The following NUP210L variants were observed in gnomAD, a reference collection of about 807,000 sequenced individuals.
The protein encoded by NUP210L is nucleoporin 210 like, also known as nuclear pore membrane glycoprotein 210-like.
NUP210L carries 74 observed loss-of-function variants against 208.5 expected under a neutral mutation model. The observed-to-expected ratio is 0.35, with a 90% CI of 0.29 to 0.43. The LOEUF is 0.43. Among genes scored for constraint, NUP210L ranks in the 20% least tolerant of loss-of-function variants. The probability of loss-of-function intolerance (pLI) is 1.00; values close to 1 mark genes in which losing one functional copy is unlikely to be tolerated. For synonymous variants in NUP210L, 780 were observed against 816.9 expected (o/e 0.95, Z 0.77); for missense variants, 1,843 against 2,289.4 (o/e 0.81, Z 3.98).
At chr1:154,038,323 G>A (rs1447642017) in intron 27 of NUP210L, among the ~76,000 whole-genome samples, 3 of 150,612 alleles carry the variant, frequency 2.0e-5, no homozygotes, top group Non-Finnish European at 4.4e-5. Flanking sequence ...GTAGAGACAG[G>A]GTTTTTTCTT....
At chr1:154,036,366 CTTTTT>C (rs34750631) in intron 27 of NUP210L, among the ~76,000 whole-genome samples, 1 of 65,464 alleles carries the variant, frequency 1.5e-5, no homozygotes, top group East Asian at 4.6e-4. Context: ...GTGTGTATAA[CTTTTT>C]TTTTTTTTTT....
At chr1:154,141,287 C>T (rs898502267) in intron 4 of NUP210L, 144 bp downstream of exon 4, 8 of 627,702 alleles carry the variant, frequency 1.3e-5, no homozygotes, top group African/African-American at 1.8e-5. Flanking sequence ...CTATCAAAGA[C>T]ATTTCTCTCA....
At chr1:153,995,039 A>G (rs768698338) in intron 38 of NUP210L, 37 bp downstream of exon 38, 12 of 1,290,122 alleles carry the variant, frequency 9.3e-6, no homozygotes, top group Middle Eastern at 2.0e-4. Context: ...GGCAGTTTTC[A>G]TGTCAAAGTC....
At chr1:154,053,414 GA>G (rs1653635327) in intron 25 of NUP210L, among the ~76,000 whole-genome samples, 2 of 152,166 alleles carry the variant, frequency 1.3e-5, no homozygotes, top group African/African-American at 4.8e-5. Flanking sequence ...AATAAAAAGG[GA>G]GAACATGTTG....
In NUP210L at chr1:154,104,088, C is replaced by T. The variant is rs770758739; in HGVS notation, c.1743G>A (p.Met581Ile). The T allele has an allele frequency of 1.5e-5, 24 of 1,614,056 alleles. 1 individual carries two copies. In the South Asian group the frequency reaches 2.6e-4, roughly 18 times the overall value. The change falls in exon 13 of 40, where the codon ATG (methionine) becomes ATA (isoleucine). Residue 581 changes from methionine (M) to isoleucine (I), a missense_variant. Met to Ile is a conservative substitution (Grantham distance 10). Around this residue, in one of 5 missense-constraint regions of NUP210L, gnomAD observed 408 missense variants for 600.8 expected, o/e 0.68. Transcript: ENST00000368559. ...ATAAATGAGAGCAGTCTGTGAATGC[C>T]ATGGCTTCTTTGGTCTCTTTATTTA...
intron 30 of NUP210L, among the ~76,000 whole-genome samples, chr1:154,023,940 A>C (rs903774245): frequency 1.3e-5 from 2 of 151,782 alleles, no homozygotes; most frequent in African/African-American, 2.4e-5. Context: ...GGCGCCCGCC[A>C]CAATGCCCGG....
intron 10 of NUP210L, among the ~76,000 whole-genome samples, chr1:154,123,562 A>C (rs1657720767): frequency 6.6e-6 from 1 of 152,150 alleles, no homozygotes; most frequent in South Asian, 2.1e-4. Context: ...ATCTATAATA[A>C]TTTCAAAATT....
intron 7 of NUP210L, among the ~76,000 whole-genome samples, chr1:154,131,093 C>T (rs1208962280): frequency 1.3e-5 from 2 of 151,376 alleles, no homozygotes; most frequent in Non-Finnish European, 2.9e-5. Context: ...GGTGAAACCC[C>T]GTCTCTGCTA....
At chr1:154,028,530 T>C (rs1652030374) in intron 28 of NUP210L, among the ~76,000 whole-genome samples, 1 of 152,040 alleles carries the variant, frequency 6.6e-6, no homozygotes, top group Non-Finnish European at 1.5e-5. Context: ...GAGGTTGCAG[T>C]GAGGCGAGAT....
At chr1:154,049,418 G>A (rs576601428) in intron 25 of NUP210L, among the ~76,000 whole-genome samples, 96 of 152,204 alleles carry the variant, frequency 6.3e-4, no homozygotes, top group Middle Eastern at 3.4e-3. Flanking sequence ...TGAAGGAACC[G>A]CTTCAAACAG....
chr1:154,041,332 G>T (rs2147962677), intron 27 of NUP210L, among the ~76,000 whole-genome samples: 1 of 151,974 alleles, frequency 6.6e-6, no homozygotes, highest in East Asian at 1.9e-4. Context: ...ATGTATTTAT[G>T]TATTTATTTA....
At chr1:154,089,112 G>C (rs898703022) in intron 16 of NUP210L, among the ~76,000 whole-genome samples, 2 of 152,272 alleles carry the variant, frequency 1.3e-5, no homozygotes, top group South Asian at 4.1e-4. Flanking sequence ...TAGTAAACAA[G>C]TGTAGCCAAT....
chr1:154,118,181 C>T (rs937072089), intron 11 of NUP210L, among the ~76,000 whole-genome samples: 1 of 151,914 alleles, frequency 6.6e-6, no homozygotes. Context: ...TGGTGGCACA[C>T]GCCTGTAATC....
chr1:154,000,575 C>T (rs1250736878), intron 37 of NUP210L, among the ~76,000 whole-genome samples: 2 of 152,172 alleles, frequency 1.3e-5, no homozygotes, highest in Admixed American at 6.6e-5. Context: ...GAGACTGCTA[C>T]TAAGTGACTA....
intron 12 of NUP210L, among the ~76,000 whole-genome samples, chr1:154,106,738 C>T (rs981463490): frequency 4.6e-5 from 7 of 152,314 alleles, no homozygotes; most frequent in Admixed American, 2.0e-4. Context: ...GGAATTCTCC[C>T]GGATCTTACC....
chr1:154,094,273 AC>A (rs926490403), intron 15 of NUP210L, among the ~76,000 whole-genome samples: 1 of 151,860 alleles, frequency 6.6e-6, no homozygotes, highest in African/African-American at 2.4e-5. Context: ...ACAGAGCAAG[AC>A]TCCATCTCAA....
chr1:154,149,900 T>C (rs1659299983), intron 2 of NUP210L, among the ~76,000 whole-genome samples: 1 of 152,162 alleles, frequency 6.6e-6, no homozygotes, highest in Non-Finnish European at 1.5e-5. Context: ...TCCAAACCAG[T>C]TCTTCATCTG....
At chr1:154,004,075 G>T (rs2790681) in intron 35 of NUP210L, among the ~76,000 whole-genome samples, 80,628 of 143,954 alleles carry the variant, frequency 0.56, 22,993 homozygotes, top group East Asian at 0.94. Context: ...CCTGTTTTTT[G>T]TTTTTTTTTT....
chr1:153,995,875 G>A (rs1202927084), intron 37 of NUP210L: 8 of 567,078 alleles, frequency 1.4e-5, no homozygotes, highest in Admixed American at 1.2e-4. Flanking sequence ...AAATGTGTTC[G>A]TGACTGGATC....
Sources: allele counts gnomAD v4.1 joint callset (sites outside exome capture counted in the v4.1 genomes callset), GRCh38; gene constraint gnomAD v4.1.1; regional missense constraint gnomAD v4.1.1; transcripts MANE v1.5; gene names NCBI Gene and HGNC (gene_info 2026-07-23, HGNC 2026-07-21).